The following SCML2 variants were observed in gnomAD, a reference collection of about 807,000 sequenced individuals.
The protein encoded by SCML2 is Scm polycomb group protein like 2.
Under a neutral mutation model 48.4 loss-of-function variants are expected in SCML2, and 6 were observed. The ratio of observed to expected loss-of-function variants is 0.12; its 90% CI spans 0.07 to 0.24. The LOEUF (loss-of-function observed/expected upper bound fraction) is 0.24, where lower values mean the gene tolerates loss of function less well. Among genes scored for constraint, SCML2 ranks in the 10% least tolerant of loss-of-function variants. The probability of loss-of-function intolerance (pLI) is 1.00; values close to 1 mark genes in which losing one functional copy is unlikely to be tolerated. For synonymous variants in SCML2, 181 were observed against 189.5 expected, an observed-to-expected ratio of 0.95 and a Z score of 0.37; for missense variants, 377 against 528.2, an observed-to-expected ratio of 0.71 and a Z score of 2.81.
intron 11 of SCML2, among the ~76,000 whole-genome samples, chrX:18,253,406 T>C (rs1422205977): frequency 9.0e-6 from 1 of 111,723 alleles, no homozygotes; most frequent in Non-Finnish European, 1.9e-5. Flanking sequence ...TAAGACCATA[T>C]AACCAACTAT....
intron 1 of SCML2, among the ~76,000 whole-genome samples, chrX:18,351,236 C>CTA (rs1163166924): frequency 3.7e-5 from 4 of 108,371 alleles, no homozygotes; most frequent in African/African-American, 1.4e-4. Flanking sequence ...CGCCACTGCA[C>CTA]TACAGCCTGG....
intron 4 of SCML2, among the ~76,000 whole-genome samples, 157 bp downstream of exon 4, chrX:18,324,750 G>A (rs995024850): frequency 3.6e-5 from 4 of 112,114 alleles, no homozygotes; most frequent in African/African-American, 1.3e-4. Flanking sequence ...CTGACATAGA[G>A]TAAGTTCTTA....
chrX:18,247,865 C>G lies in SCML2; in HGVS notation c.1474G>C (p.Glu492Gln). ...GGAGATCGTTTGGTGCTTTGCCTTT[C>G]TGTTACATCTTCTTTTGCTGTTTTC... ...KNQSAKEDVT[E>Q]RQSTKRSPQQ... Residue 492 changes from glutamate to glutamine, a missense_variant, in exon 12 of 15, where the codon GAA becomes CAA. This residue lies in a region of SCML2 where 299 missense variants were observed against 425.5 expected (regional missense o/e 0.70). Coordinates refer to ENST00000251900, the MANE Select transcript of SCML2 (RefSeq NM_006089.3). 1.7e-6 allele frequency: 2 copies of G among 1,203,889 alleles called. No homozygotes were observed. The highest frequency in any genetic ancestry group is 2.3e-6 in the Non-Finnish European group (2 of 888,663).
At chrX:18,335,321 T>C (rs1171941669) in intron 1 of SCML2, among the ~76,000 whole-genome samples, 9 of 110,595 alleles carry the variant, frequency 8.1e-5, no homozygotes, top group African/African-American at 3.0e-4. Flanking sequence ...CTGGGCAACA[T>C]GGTGAAACTC....
At chrX:18,262,663 T>G (rs1927112730) in intron 8 of SCML2, among the ~76,000 whole-genome samples, 1 of 107,163 alleles carries the variant, frequency 9.3e-6, no homozygotes, top group South Asian at 3.9e-4. Context: ...TCATTGCCTG[T>G]TTTTGATTTG....
chrX:18,339,357 T>C (rs1172140617), intron 1 of SCML2, among the ~76,000 whole-genome samples: 1 of 112,390 alleles, frequency 8.9e-6, no homozygotes, highest in Non-Finnish European at 1.9e-5. Context: ...TCATGCTGTA[T>C]GACTTTTAGG....
At chrX:18,335,471 T>C (rs1166274095) in intron 1 of SCML2, among the ~76,000 whole-genome samples, 1 of 111,183 alleles carries the variant, frequency 9.0e-6, no homozygotes, top group African/African-American at 3.3e-5. Flanking sequence ...GCCACTGTAC[T>C]CCACCCTGGG....
chrX:18,288,595 C>G (rs1316087614), intron 7 of SCML2, among the ~76,000 whole-genome samples: 2 of 111,173 alleles, frequency 1.8e-5, no homozygotes, highest in Admixed American at 1.9e-4. Context: ...TTGAGATAAC[C>G]AAAATTACCG....
chrX:18,299,327 T>C (rs1344024984), intron 7 of SCML2, among the ~76,000 whole-genome samples: 3 of 109,731 alleles, frequency 2.7e-5, no homozygotes, highest in Admixed American at 9.7e-5. Context: ...TACTGGCTAA[T>C]ACGGTGAAAT....
intron 7 of SCML2, among the ~76,000 whole-genome samples, chrX:18,295,757 G>A (rs1334018355): frequency 8.9e-6 from 1 of 112,069 alleles, no homozygotes; most frequent in East Asian, 2.8e-4. Context: ...TGGGGCCTGA[G>A]GACTGGCCCA....
intron 11 of SCML2, 94 bp from the exon 12 acceptor site, chrX:18,247,976 C>A: frequency 1.9e-6 from 1 of 528,502 alleles, no homozygotes. Flanking sequence ...GTTTCTACAT[C>A]ATTTGCCTAC....
intron 7 of SCML2, among the ~76,000 whole-genome samples, chrX:18,300,048 AACT>A (rs1928533512): frequency 9.0e-6 from 1 of 111,169 alleles, no homozygotes; most frequent in African/African-American, 3.3e-5. Context: ...CAGAAAAGGG[AACT>A]CTTATACACT....
chrX:18,300,150 A>G (rs1344444556), intron 7 of SCML2, among the ~76,000 whole-genome samples: 6 of 111,356 alleles, frequency 5.4e-5, no homozygotes, highest in Non-Finnish European at 1.9e-5. Context: ...TTGTAATCCC[A>G]GCACTTTGGG....
At chrX:18,254,864 C>T (rs1926784118) in intron 11 of SCML2, among the ~76,000 whole-genome samples, 2 of 111,356 alleles carry the variant, frequency 1.8e-5, no homozygotes, top group South Asian at 3.8e-4. Flanking sequence ...GCGGAGGTTG[C>T]AGCGAGCCGA....
Position 18,241,470 on chromosome X carries a change from T to C in SCML2, c.1975-91A>G, listed in dbSNP as rs1926262132. 5.2e-6 allele frequency: 3 copies of C among 580,631 alleles called. No homozygotes were observed. The South Asian group carries it at 2.1e-4, about 42-fold the overall frequency. 47.9% of individuals were successfully genotyped at this position (580,631 alleles called of 1,213,427 possible). A position where few individuals can be genotyped will look rare whatever the true frequency, so the allele number is the denominator to read the frequency against. On this transcript the variant is annotated intron_variant, in intron 14 of 14. Coordinates refer to ENST00000251900, the MANE Select transcript of SCML2 (RefSeq NM_006089.3). ...CATGTAAAATACAGCAGCTGTATAC[T>C]CCGGATATATATTCTCTGAATATGC...
At chrX:18,258,989 C>T (rs1186916901) in intron 9 of SCML2, among the ~76,000 whole-genome samples, 1 of 111,120 alleles carries the variant, frequency 9.0e-6, no homozygotes, top group Non-Finnish European at 1.9e-5. Context: ...GGAAGCTGGG[C>T]GCAGTTGGTC....
At chrX:18,260,101 TC>T in intron 9 of SCML2, 69 bp downstream of exon 9, 1 of 758,686 alleles carries the variant, frequency 1.3e-6, no homozygotes, top group Non-Finnish European at 1.8e-6. Flanking sequence ...TTCCAGGACT[TC>T]GAAGACACTG....
intron 14 of SCML2, among the ~76,000 whole-genome samples, chrX:18,242,139 G>C (rs1441776954): frequency 9.0e-6 from 1 of 111,532 alleles, no homozygotes; most frequent in Non-Finnish European, 1.9e-5. Context: ...GGAGCAGGTC[G>C]GGGAGGATCC....
intron 7 of SCML2, among the ~76,000 whole-genome samples, chrX:18,292,892 G>A (rs895971443): frequency 1.1e-4 from 12 of 111,070 alleles, no homozygotes; most frequent in Non-Finnish European, 1.7e-4. Flanking sequence ...TTCCTTCTTA[G>A]TATAACTAGA....
Sources: gnomAD v4.1 joint callset for allele counts (sites outside exome capture counted in the v4.1 genomes callset) on GRCh38, gnomAD v4.1.1 for gene constraint, gnomAD v4.1.1 regional missense constraint, MANE v1.5 for transcripts, NCBI Gene and HGNC (gene_info 2026-07-23, HGNC 2026-07-21) for gene names.